Variants in IL1RAP observed in about 807,000 individuals in gnomAD.
IL1RAP encodes the protein interleukin-1 receptor accessory protein.
A neutral mutation model predicts 60.7 loss-of-function variants in IL1RAP; 35 were observed. That is an observed-to-expected ratio of 0.58 (90% CI 0.44 to 0.76). The LOEUF (loss-of-function observed/expected upper bound fraction) is 0.76, where lower values mean the gene tolerates loss of function less well. IL1RAP is among the 30% of genes least tolerant of loss of function. The pLI is 0.00. For synonymous variants in IL1RAP, 268 were observed against 250.9 expected, an observed-to-expected ratio of 1.07 and a Z score of -0.64; for missense variants, 572 against 693.9, an observed-to-expected ratio of 0.82 and a Z score of 1.97.
chr3:190,633,206 T>G (rs1461088651), intron 9 of IL1RAP, among the ~76,000 whole-genome samples: 1 of 152,232 alleles, frequency 6.6e-6, no homozygotes, highest in Non-Finnish European at 1.5e-5. Flanking sequence ...ATACTGTATT[T>G]TCCAGTCCAT....
intron 1 of IL1RAP, among the ~76,000 whole-genome samples, chr3:190,553,845 G>A (rs1306297213): frequency 1.3e-5 from 2 of 151,896 alleles, no homozygotes; most frequent in Admixed American, 1.3e-4. Flanking sequence ...CGGATCACGA[G>A]GTCAGGAGAT....
At chr3:190,635,342 TTATA>T (rs1269049181) in intron 9 of IL1RAP, among the ~76,000 whole-genome samples, 2 of 152,130 alleles carry the variant, frequency 1.3e-5, no homozygotes, top group African/African-American at 4.8e-5. Context: ...TCTCTGTTGT[TTATA>T]TATTTATTTA....
intron 2 of IL1RAP, chr3:190,563,423 C>T (rs1726086242): frequency 6.6e-6 from 1 of 152,104 alleles, no homozygotes; most frequent in Non-Finnish European, 1.5e-5. Context: ...TATTTATAAC[C>T]CACAGAGGTT....
downstream of IL1RAP, chr3:190,656,136 T>C (rs377725343): frequency 3.2e-5 from 49 of 1,537,182 alleles, no homozygotes; most frequent in South Asian, 3.1e-4. Context: ...AGTCCAAACA[T>C]TCTGGCTCTA....
chr3:190,586,558 C>T (rs140214383), intron 3 of IL1RAP, among the ~76,000 whole-genome samples: 93 of 152,322 alleles, frequency 6.1e-4, no homozygotes, highest in African/African-American at 2.1e-3. Flanking sequence ...TGATTTTGAG[C>T]AATAAGCAAC....
At chr3:190,532,761 C>T (rs1723103120) in intron 1 of IL1RAP, among the ~76,000 whole-genome samples, 1 of 151,530 alleles carries the variant, frequency 6.6e-6, no homozygotes, top group African/African-American at 2.4e-5. Flanking sequence ...TACAGCTGAA[C>T]ATCTTATAAC....
intron 7 of IL1RAP, among the ~76,000 whole-genome samples, chr3:190,625,865 C>T (rs1732218709): frequency 6.6e-6 from 1 of 152,134 alleles, no homozygotes; most frequent in Non-Finnish European, 1.5e-5. Context: ...GTCTACCTGT[C>T]AAACTATGCT....
chr3:190,536,348 T>C (rs543657706), intron 1 of IL1RAP, among the ~76,000 whole-genome samples: 4 of 152,298 alleles, frequency 2.6e-5, no homozygotes, highest in African/African-American at 9.6e-5. Flanking sequence ...TGTCTAGCTG[T>C]TGGCTACTGG....
At chr3:190,591,044 T>A (rs967515083) in intron 3 of IL1RAP, among the ~76,000 whole-genome samples, 83 of 152,192 alleles carry the variant, frequency 5.5e-4, no homozygotes, top group African/African-American at 2.0e-3. Context: ...AAAATCTCCC[T>A]TGTCGTCCAA....
At chr3:190,555,583 C>T (rs572585519) in intron 1 of IL1RAP, among the ~76,000 whole-genome samples, 8 of 152,278 alleles carry the variant, frequency 5.3e-5, no homozygotes, top group African/African-American at 1.9e-4. Flanking sequence ...TTCCATTTTG[C>T]ATTAACTTCC....
chr3:190,546,035 C>A (rs1303970334), intron 1 of IL1RAP, among the ~76,000 whole-genome samples: 2 of 152,102 alleles, frequency 1.3e-5, no homozygotes, highest in East Asian at 3.9e-4. Context: ...CTGTAGTCAC[C>A]TCACACAGAA....
intron 1 of IL1RAP, among the ~76,000 whole-genome samples, chr3:190,539,148 G>A (rs1723720593): frequency 6.6e-6 from 1 of 152,068 alleles, no homozygotes; most frequent in Non-Finnish European, 1.5e-5. Flanking sequence ...AGAAGCTCAG[G>A]TGAGTTCATT....
At chr3:190,615,309 G>T in intron 5 of IL1RAP, 1 of 1,281,380 alleles carries the variant, frequency 7.8e-7, no homozygotes, top group East Asian at 5.6e-5. Context: ...AGACTGCCTT[G>T]TTTATTCACA....
chr3:190,615,975 T>C (rs561999671), intron 5 of IL1RAP, among the ~76,000 whole-genome samples: 1 of 152,194 alleles, frequency 6.6e-6, no homozygotes, highest in Non-Finnish European at 1.5e-5. Flanking sequence ...TCCTATATAG[T>C]GATTGGATTT....
chr3:190,611,706 A>G (rs925498875), intron 5 of IL1RAP, among the ~76,000 whole-genome samples: 2 of 152,182 alleles, frequency 1.3e-5, no homozygotes, highest in African/African-American at 4.8e-5. Context: ...GACCTGACTG[A>G]TGGTTACAAA....
chr3:190,551,130 C>A (rs1368761600), intron 1 of IL1RAP, among the ~76,000 whole-genome samples: 2 of 152,164 alleles, frequency 1.3e-5, no homozygotes, highest in Non-Finnish European at 2.9e-5. Context: ...GCTCTTGGGC[C>A]TGTTAGAAAG....
chr3:190,613,016 A>T (rs1303785712), intron 5 of IL1RAP, among the ~76,000 whole-genome samples: 1 of 152,176 alleles, frequency 6.6e-6, no homozygotes, highest in East Asian at 1.9e-4. Flanking sequence ...GTCCCAAATG[A>T]CCTCATAATT....
At chr3:190,570,864 A>G (rs1041113682) in intron 3 of IL1RAP, among the ~76,000 whole-genome samples, 11 of 151,990 alleles carry the variant, frequency 7.2e-5, no homozygotes, top group African/African-American at 2.7e-4. Flanking sequence ...TATTTTTTTT[A>G]AAGTGCTCTT....
chr3:190,656,151 C>T (rs1400062962), downstream of IL1RAP: 1 of 1,537,296 alleles, frequency 6.5e-7, no homozygotes, highest in Admixed American at 2.0e-5. Context: ...GCTCTAAATT[C>T]TGGAAAGCTT....
Sources: allele counts gnomAD v4.1 joint callset (sites outside exome capture counted in the v4.1 genomes callset), GRCh38; gene constraint gnomAD v4.1.1; transcripts MANE v1.5; gene names NCBI Gene and HGNC (gene_info 2026-07-23, HGNC 2026-07-21).